Variants in DACH1 observed in about 807,000 individuals in gnomAD.
DACH1 encodes the protein dachshund family transcription factor 1, also known as dachshund homolog 1.
A neutral mutation model predicts 54.2 loss-of-function variants in DACH1; 12 were observed. That is an observed-to-expected ratio of 0.22 (90% CI 0.14 to 0.36). DACH1 has a LOEUF of 0.36. Among genes scored for constraint, DACH1 ranks in the 10% least tolerant of loss-of-function variants. DACH1 has a pLI of 1.00. For missense variants in DACH1, 805 were observed against 929.8 expected, an observed-to-expected ratio of 0.87 and a Z score of 1.75; for synonymous variants, 386 against 366.2, an observed-to-expected ratio of 1.05 and a Z score of -0.62.
intron 3 of DACH1, among the ~76,000 whole-genome samples, 197 bp from the exon 4 acceptor site, chr13:71,573,209 T>C (rs1296002680): frequency 6.6e-6 from 1 of 152,158 alleles, no homozygotes; most frequent in Non-Finnish European, 1.5e-5. Context: ...ATTTCCTAAC[T>C]TATCCTGTGT....
chr13:71,522,552 G>A (rs948918207), intron 6 of DACH1, among the ~76,000 whole-genome samples: 3 of 152,016 alleles, frequency 2.0e-5, no homozygotes, highest in Non-Finnish European at 4.4e-5. Flanking sequence ...GCTGAGGAGG[G>A]AGGATCACTT....
At chr13:71,798,325 T>TACATACATACATACATAC (rs1302578965) in intron 1 of DACH1, among the ~76,000 whole-genome samples, 8 of 9,576 alleles carry the variant, frequency 8.4e-4, no homozygotes, top group African/African-American at 1.8e-3. Flanking sequence ...GTTACATACA[T>TACATACATACATACATAC]ATATATATAT....
intron 10 of DACH1, among the ~76,000 whole-genome samples, chr13:71,474,796 A>G (rs973386399): frequency 6.6e-6 from 1 of 152,206 alleles, no homozygotes; most frequent in Non-Finnish European, 1.5e-5. Context: ...GATTAACCAC[A>G]TATTTTATTT....
At chr13:71,651,680 C>CTGTATCTGTATA (rs1371380060) in intron 2 of DACH1, among the ~76,000 whole-genome samples, 17 of 121,844 alleles carry the variant, frequency 1.4e-4, no homozygotes, top group East Asian at 8.8e-4. Context: ...GTATCTGTAT[C>CTGTATCTGTATA]TGTATATGTA....
At chr13:71,624,528 G>C (rs1349804703) in intron 3 of DACH1, among the ~76,000 whole-genome samples, 2 of 151,774 alleles carry the variant, frequency 1.3e-5, no homozygotes, top group Non-Finnish European at 1.5e-5. Context: ...TGTTAATATT[G>C]TTAAGTTTTA....
chr13:71,700,279 C>T (rs756979303), intron 1 of DACH1, among the ~76,000 whole-genome samples: 19 of 151,970 alleles, frequency 1.3e-4, no homozygotes, highest in Non-Finnish European at 2.6e-4. Context: ...GCAAGCTGGC[C>T]AGGCATGGTG....
At chr13:71,576,884 A>G (rs769433446) in intron 3 of DACH1, among the ~76,000 whole-genome samples, 3 of 152,140 alleles carry the variant, frequency 2.0e-5, no homozygotes, top group Non-Finnish European at 4.4e-5. Flanking sequence ...TCTTCTGGGT[A>G]ATAAGATAAA....
intron 3 of DACH1, among the ~76,000 whole-genome samples, chr13:71,623,758 A>C (rs1876426199): frequency 6.6e-6 from 1 of 151,890 alleles, no homozygotes; most frequent in South Asian, 2.1e-4. Context: ...TGACTTATCT[A>C]AGTAGTTAAG....
chr13:71,586,856 A>ATTGTATGATT (rs1295324845), intron 3 of DACH1, among the ~76,000 whole-genome samples: 3 of 152,014 alleles, frequency 2.0e-5, no homozygotes, highest in African/African-American at 7.2e-5. Context: ...ATAATACCCA[A>ATTGTATGATT]TGTGATTATT....
intron 3 of DACH1, among the ~76,000 whole-genome samples, chr13:71,615,704 T>C (rs1875709346): frequency 6.6e-6 from 1 of 152,116 alleles, no homozygotes; most frequent in African/African-American, 2.4e-5. Flanking sequence ...CTAATGAAGA[T>C]CTTGGATAAG....
At chr13:71,594,651 T>G (rs1873965144) in intron 3 of DACH1, among the ~76,000 whole-genome samples, 1 of 152,138 alleles carries the variant, frequency 6.6e-6, no homozygotes, top group African/African-American at 2.4e-5. Flanking sequence ...CATCATCACT[T>G]TTTCAGTGCA....
chr13:71,614,785 T>C (rs1478427773), intron 3 of DACH1, among the ~76,000 whole-genome samples: 1 of 143,866 alleles, frequency 7.0e-6, no homozygotes, highest in African/African-American at 2.6e-5. Flanking sequence ...GCTCAGCAGG[T>C]CAAAGTTGCA....
intron 6 of DACH1, among the ~76,000 whole-genome samples, chr13:71,550,882 T>G (rs1450146671): frequency 6.6e-6 from 1 of 152,042 alleles, no homozygotes; most frequent in Admixed American, 6.6e-5. Flanking sequence ...ACAGGAGACT[T>G]TGAGATATGC....
intron 1 of DACH1, among the ~76,000 whole-genome samples, chr13:71,847,368 A>G (rs995726315): frequency 2.0e-5 from 3 of 152,202 alleles, no homozygotes; most frequent in Non-Finnish European, 4.4e-5. Context: ...CAAAATTCTT[A>G]TAAGTCTATT....
intron 6 of DACH1, among the ~76,000 whole-genome samples, chr13:71,543,684 T>C (rs750499473): frequency 1.3e-4 from 20 of 152,092 alleles, no homozygotes; most frequent in Non-Finnish European, 2.1e-4. Context: ...GATATTTTTC[T>C]AGATATAAGG....
At chr13:71,861,509 T>C (rs2138292362) in intron 1 of DACH1, among the ~76,000 whole-genome samples, 1 of 152,174 alleles carries the variant, frequency 6.6e-6, no homozygotes, top group South Asian at 2.1e-4. Flanking sequence ...AATATTCTTA[T>C]ATTTTATTCA....
intron 1 of DACH1, among the ~76,000 whole-genome samples, chr13:71,749,920 G>C (rs1884845941): frequency 1.3e-5 from 2 of 152,086 alleles, no homozygotes; most frequent in African/African-American, 2.4e-5. Flanking sequence ...TTGAAGAAAG[G>C]GACCACCAGT....
At chr13:71,445,131 C>A (rs1183589177) in intron 10 of DACH1, among the ~76,000 whole-genome samples, 6 of 152,078 alleles carry the variant, frequency 3.9e-5, no homozygotes, top group Non-Finnish European at 8.8e-5. Context: ...GAATGAGAAG[C>A]CTTCAGCATG....
intron 4 of DACH1, among the ~76,000 whole-genome samples, chr13:71,560,501 A>G (rs1884517637): frequency 6.6e-6 from 1 of 152,160 alleles, no homozygotes; most frequent in Non-Finnish European, 1.5e-5. Flanking sequence ...TAATATTGGA[A>G]TAATTTTCTT....
Sources: allele counts gnomAD v4.1 joint callset (sites outside exome capture counted in the v4.1 genomes callset), GRCh38; gene constraint gnomAD v4.1.1; transcripts MANE v1.5; gene names NCBI Gene and HGNC (gene_info 2026-07-23, HGNC 2026-07-21).